Variants in GABBR2 observed in about 807,000 individuals in gnomAD.
GABBR2 encodes the protein gamma-aminobutyric acid type B receptor subunit 2, also known as G-protein coupled receptor 51.
In GABBR2, 23 loss-of-function variants were observed where a neutral mutation model predicts 105.6. The observed-to-expected ratio is 0.22, with a 90% CI of 0.16 to 0.31. The LOEUF (loss-of-function observed/expected upper bound fraction) is 0.31, where lower values mean the gene tolerates loss of function less well. GABBR2 is among the 10% of genes least tolerant of loss of function. The probability of loss-of-function intolerance (pLI) is 1.00; values close to 1 mark genes in which losing one functional copy is unlikely to be tolerated. For synonymous variants in GABBR2, 478 were observed against 499.7 expected, an observed-to-expected ratio of 0.96 and a Z score of 0.58; for missense variants, 734 against 1,245.5, an observed-to-expected ratio of 0.59 and a Z score of 6.18.
intron 13 of GABBR2, among the ~76,000 whole-genome samples, chr9:98,316,534 A>G (rs1830721814): frequency 6.6e-6 from 1 of 152,222 alleles, no homozygotes; most frequent in African/African-American, 2.4e-5. Context: ...CATACAGTGA[A>G]TAACTGTTAA....
intron 1 of GABBR2, among the ~76,000 whole-genome samples, chr9:98,675,443 A>C (rs1475554501): frequency 6.6e-6 from 1 of 152,190 alleles, no homozygotes; most frequent in Non-Finnish European, 1.5e-5. Flanking sequence ...GAAGGGAGTC[A>C]GCGGACACAG....
chr9:98,490,836 T>C (rs1024163453), intron 4 of GABBR2, among the ~76,000 whole-genome samples: 3 of 152,190 alleles, frequency 2.0e-5, no homozygotes, highest in Non-Finnish European at 4.4e-5. Context: ...AGCTAAACTT[T>C]AGCCACCCCC....
At chr9:98,398,823 T>C (rs1832339884) in intron 8 of GABBR2, among the ~76,000 whole-genome samples, 1 of 152,220 alleles carries the variant, frequency 6.6e-6, no homozygotes, top group Admixed American at 6.5e-5. Context: ...GCTATTGCCA[T>C]ATTTTTCATA....
intron 13 of GABBR2, among the ~76,000 whole-genome samples, chr9:98,340,695 C>T (rs1441003388): frequency 6.6e-6 from 1 of 152,128 alleles, no homozygotes; most frequent in Non-Finnish European, 1.5e-5. Flanking sequence ...ACAATGGGTA[C>T]CCCATAAATG....
chr9:98,564,942 A>G (rs1451501975), intron 2 of GABBR2, among the ~76,000 whole-genome samples: 2 of 152,190 alleles, frequency 1.3e-5, no homozygotes, highest in Non-Finnish European at 2.9e-5. Context: ...CTTGAACTAA[A>G]TATCAGGAAA....
intron 1 of GABBR2, among the ~76,000 whole-genome samples, chr9:98,646,106 T>G (rs948427209): frequency 1.1e-4 from 16 of 151,256 alleles, no homozygotes; most frequent in African/African-American, 3.6e-4. Flanking sequence ...TAGAAAGATC[T>G]GCTGGAGAGG....
At chr9:98,449,458 G>A (rs1826194325) in intron 7 of GABBR2, among the ~76,000 whole-genome samples, 1 of 152,174 alleles carries the variant, frequency 6.6e-6, no homozygotes, top group Non-Finnish European at 1.5e-5. Flanking sequence ...ACGTGTGTGT[G>A]TGGCCCCAAG....
intron 13 of GABBR2, among the ~76,000 whole-genome samples, chr9:98,330,346 A>G (rs1026060722): frequency 2.0e-5 from 3 of 152,222 alleles, no homozygotes; most frequent in Non-Finnish European, 4.4e-5. Context: ...TCATATCTCC[A>G]TGACACCTGA....
chr9:98,508,631 C>T (rs546441221), intron 3 of GABBR2, among the ~76,000 whole-genome samples: 1 of 152,350 alleles, frequency 6.6e-6, no homozygotes, highest in South Asian at 2.1e-4. Flanking sequence ...GCGCATGGCT[C>T]GGAGGGTCCT....
intron 13 of GABBR2, among the ~76,000 whole-genome samples, chr9:98,340,621 C>T (rs1202773369): frequency 6.6e-6 from 1 of 152,142 alleles, no homozygotes; most frequent in Non-Finnish European, 1.5e-5. Context: ...GCTGGTAACA[C>T]CACCCTTTAT....
At chr9:98,324,856 A>C (rs552239195) in intron 13 of GABBR2, among the ~76,000 whole-genome samples, 1 of 152,162 alleles carries the variant, frequency 6.6e-6, no homozygotes, top group Admixed American at 6.5e-5. Context: ...CATTATAACT[A>C]TAAACCTGTT....
At chr9:98,292,155 G>A (rs1328281892) in intron 18 of GABBR2, among the ~76,000 whole-genome samples, 1 of 152,242 alleles carries the variant, frequency 6.6e-6, no homozygotes, top group Non-Finnish European at 1.5e-5. Flanking sequence ...CATTCCTTGA[G>A]AGAAGGGACT....
chr9:98,632,844 A>G (rs1012567304), intron 1 of GABBR2, among the ~76,000 whole-genome samples: 4 of 152,210 alleles, frequency 2.6e-5, no homozygotes, highest in Admixed American at 6.5e-5. Context: ...GGTTTGTTAA[A>G]CAGCAATAAG....
chr9:98,531,704 T>A (rs917024386), intron 3 of GABBR2, among the ~76,000 whole-genome samples: 4 of 152,238 alleles, frequency 2.6e-5, no homozygotes, highest in Admixed American at 2.6e-4. Flanking sequence ...CAAGTGTTGC[T>A]TGAACCCCAG....
intron 6 of GABBR2, among the ~76,000 whole-genome samples, chr9:98,469,593 C>T (rs1278509567): frequency 2.0e-5 from 3 of 152,230 alleles, no homozygotes; most frequent in Non-Finnish European, 2.9e-5. Context: ...TTAGGGCCTA[C>T]CTGGGTAATC....
At chr9:98,647,803 G>A (rs1402808936) in intron 1 of GABBR2, among the ~76,000 whole-genome samples, 3 of 152,178 alleles carry the variant, frequency 2.0e-5, no homozygotes, top group Admixed American at 6.5e-5. Context: ...CTCAAGTGAT[G>A]TTAAAATATT....
intron 7 of GABBR2, among the ~76,000 whole-genome samples, chr9:98,414,922 G>A (rs554406046): frequency 2.0e-4 from 31 of 152,310 alleles, no homozygotes; most frequent in South Asian, 6.2e-4. Flanking sequence ...TTGGGTCCAC[G>A]AATGATCACG....
intron 3 of GABBR2, among the ~76,000 whole-genome samples, chr9:98,524,124 A>G (rs1827915831): frequency 6.6e-6 from 1 of 152,226 alleles, no homozygotes; most frequent in Non-Finnish European, 1.5e-5. Flanking sequence ...TATAAAGCCA[A>G]AATCAATAAG....
intron 2 of GABBR2, among the ~76,000 whole-genome samples, chr9:98,571,556 C>T (rs1003254561): frequency 6.6e-6 from 1 of 152,158 alleles, no homozygotes; most frequent in African/African-American, 2.4e-5. Context: ...GGAATACAGT[C>T]CTAGAGGGAT....
Sources: gnomAD v4.1 joint callset for allele counts (sites outside exome capture counted in the v4.1 genomes callset) on GRCh38, gnomAD v4.1.1 for gene constraint, MANE v1.5 for transcripts, NCBI Gene and HGNC (gene_info 2026-07-23, HGNC 2026-07-21) for gene names.